The following CEP350 variants were observed in gnomAD, a reference collection of about 807,000 sequenced individuals.
CEP350 encodes centrosome-associated protein 350.
In CEP350, 126 loss-of-function variants were observed where a neutral mutation model predicts 331.8. The ratio of observed to expected loss-of-function variants is 0.38; its 90% CI spans 0.33 to 0.44. The LOEUF is 0.44. Among genes scored for constraint, CEP350 ranks in the 20% least tolerant of loss-of-function variants. CEP350 has a pLI of 1.00. For synonymous variants in CEP350, 1,200 were observed against 1,259.5 expected (o/e 0.95, Z 1.00); for missense variants, 3,406 against 3,634.6 (o/e 0.94, Z 1.62).
intron 1 of CEP350, among the ~76,000 whole-genome samples, chr1:179,983,305 G>A (rs1290351101): frequency 2.0e-5 from 3 of 151,966 alleles, no homozygotes; most frequent in African/African-American, 7.3e-5. Context: ...TGCGATCTTG[G>A]CTCACTGTAA....
chr1:179,995,475 C>T (rs1003690227), intron 5 of CEP350, among the ~76,000 whole-genome samples: 11 of 152,124 alleles, frequency 7.2e-5, no homozygotes, highest in African/African-American at 2.7e-4. Flanking sequence ...CATCATGGCA[C>T]ACACCTGTAA....
At chr1:180,086,923 G>A (rs998891004) in intron 31 of CEP350, among the ~76,000 whole-genome samples, 3 of 152,130 alleles carry the variant, frequency 2.0e-5, no homozygotes, top group African/African-American at 7.2e-5. Context: ...TTGCGTACCA[G>A]ACATACAGTG....
chr1:180,016,846 A>G (rs891869012), intron 11 of CEP350, among the ~76,000 whole-genome samples: 5 of 151,864 alleles, frequency 3.3e-5, no homozygotes, highest in African/African-American at 1.2e-4. Flanking sequence ...TATTTTTAGT[A>G]GAGACTTTGT....
rs6670141 is a variant in CEP350, at chr1:180,003,417, G to A, written c.1132+130G>A. On this transcript the variant is annotated intron_variant, in intron 7 of 37. Transcript: ENST00000367607. ...TCTAACTGCATGGCATGCTGAAGTT[G>A]TGGTGGTTTGAGGCATAAGGCTCTC... 1,514 of 660,022 alleles carry A rather than the reference G, an allele frequency of 2.3e-3. 21 individuals are homozygous for A. In the African/African-American group the frequency reaches 0.025, roughly 11 times the overall value. 40.9% of individuals were successfully genotyped at this position (660,022 alleles called of 1,614,324 possible). A position where few individuals can be genotyped will look rare whatever the true frequency, so the allele number is the denominator to read the frequency against.
rs58841312 is a variant in CEP350 at position 179,987,220 on chromosome 1, AAT to A, written c.74-17_74-16del. 28,369 of 1,389,398 alleles carry A rather than the reference AAT, an allele frequency of 0.02. 542 individuals are homozygous for A. Among genetic ancestry groups the A allele is most frequent in the South Asian group, 0.06 (4,758 of 79,238 alleles). The allele number at this position is 1,389,398 out of a possible 1,614,324, so 86.1% of individuals were successfully genotyped here. A position where few individuals can be genotyped will look rare whatever the true frequency, so the allele number is the denominator to read the frequency against. ...GAGATTCTGGTTGATTGATAAAGTA[AAT>A]ATCATTTTTTTTCCCAGCAGATATA... On this transcript the variant is annotated intron_variant, in intron 2 of 37. Coordinates refer to ENST00000367607, the MANE Select transcript of CEP350 (RefSeq NM_014810.5).
chr1:180,102,223 C>T (rs1433464109), intron 37 of CEP350, among the ~76,000 whole-genome samples: 1 of 151,870 alleles, frequency 6.6e-6, no homozygotes, highest in East Asian at 1.9e-4. Context: ...ACAACCTCCG[C>T]CTCCCGGGTT....
intron 25 of CEP350, 38 bp from the exon 26 acceptor site, chr1:180,062,182 C>T (rs1479204113): frequency 2.7e-6 from 4 of 1,496,240 alleles, no homozygotes; most frequent in Non-Finnish European, 3.6e-6. Context: ...CTTGTCTTCT[C>T]CCAATCTTAA....
At chr1:179,992,874 A>G (rs943563134) in intron 5 of CEP350, among the ~76,000 whole-genome samples, 1 of 152,206 alleles carries the variant, frequency 6.6e-6, no homozygotes, top group African/African-American at 2.4e-5. Flanking sequence ...ATAATAAGTA[A>G]TAAACACTGG....
Position 180,111,089 on chromosome 1 carries a change from G to C in CEP350, c.9282G>C (p.Glu3094Asp), listed in dbSNP as rs201090590. ...VKMQLADGIF[E>D]TLIKDTIDVL... ...TGCAGCTAGCCGACGGGATCTTTGA[G>C]ACCCTGATCAAAGATACTATTGATG... The change falls in exon 38 of 38, where the codon GAG (glutamate) becomes GAC (aspartate). Residue 3094 changes from glutamate (E) to aspartate (D), a missense_variant. Glu to Asp is a conservative substitution (Grantham distance 45). This residue lies in a region of CEP350 where 29 missense variants were observed against 52.8 expected (regional missense o/e 0.55). Coordinates refer to ENST00000367607, the MANE Select transcript of CEP350 (RefSeq NM_014810.5). The C allele has an allele frequency of 3.5e-5, 57 of 1,613,964 alleles. No homozygotes were observed. The highest frequency in any genetic ancestry group is 4.8e-5 in the Non-Finnish European group (57 of 1,179,862).
intron 14 of CEP350, among the ~76,000 whole-genome samples, chr1:180,025,605 T>TCTGGAAG (rs1251770471): frequency 2.0e-5 from 3 of 152,180 alleles, no homozygotes; most frequent in Non-Finnish European, 4.4e-5. Flanking sequence ...AAATGTTTTT[T>TCTGGAAG]CTGGAAGCTG....
At chr1:180,080,299 A>G (rs1329108785) in intron 29 of CEP350, among the ~76,000 whole-genome samples, 1 of 151,348 alleles carries the variant, frequency 6.6e-6, no homozygotes, top group East Asian at 1.9e-4. Flanking sequence ...TATGCCTTCA[A>G]AAAAAAATGA....
At position 180,090,849 on chromosome 1, in the gene CEP350, T is replaced by C. The variant is rs1361807285; in HGVS notation, c.6508+53T>C. 4.3e-6 allele frequency: 6 copies of C among 1,396,566 alleles called. No individual in the cohort carries two copies. The African/African-American group carries it at 4.4e-5, about 10-fold the overall frequency. 86.5% of individuals were successfully genotyped at this position (1,396,566 alleles called of 1,614,324 possible). On this transcript the variant is annotated intron_variant, in intron 33 of 37. Coordinates refer to ENST00000367607, the MANE Select transcript of CEP350 (RefSeq NM_014810.5). ...TGTAGCTACATAGTCTAAGGATTTA[T>C]GCAAAGGCCTACAAAATTCTACCTC...
In CEP350 at chr1:180,111,174, A is replaced by T; in HGVS notation, c.*13A>T. 1 of 1,613,168 alleles carries T rather than the reference A, an allele frequency of 6.2e-7. No homozygotes were observed. The highest frequency in any genetic ancestry group is 8.5e-7 in the Non-Finnish European group (1 of 1,179,248). On this transcript the variant is annotated 3_prime_UTR_variant, in exon 38 of 38. Coordinates refer to ENST00000367607, the MANE Select transcript of CEP350 (RefSeq NM_014810.5). ...GCTACTTGTGTGACATCTTGCAAATAAATCGAACGCTGAGTGCTAATGTGA... is the reference window on the plus strand; with the variant it reads ...GCTACTTGTGTGACATCTTGCAAATTAATCGAACGCTGAGTGCTAATGTGA...
rs951603585 is a variant in CEP350 at position 180,008,194 on chromosome 1, G to A, written c.1246+1627G>A. ...CGTTCCAACCAGTATTAGTCAGGTG[G>A]AAGTCTGAATAGATCAAGAATGGAA... On this transcript the variant is annotated intron_variant, in intron 8 of 37. Transcript: ENST00000367607. Among the ~76,000 whole-genome samples the A allele has an allele frequency of 3.0e-4, 46 of 152,250 alleles. 1 individual carries two copies. Among genetic ancestry groups the A allele is most frequent in the African/African-American group, 1.1e-3 (44 of 41,540 alleles).
At position 180,054,396 on chromosome 1, in the gene CEP350, TG is replaced by T. The variant is rs1224472833; in HGVS notation, c.5175-18del. On this transcript the variant is annotated intron_variant, in intron 24 of 37. Coordinates refer to ENST00000367607, the MANE Select transcript of CEP350 (RefSeq NM_014810.5). ...AAATTTAATCAAATCTTTGTCTCAATGAAAAATATTATTTGCAGACATCTAC... is the reference window on the plus strand; with the variant it reads ...AAATTTAATCAAATCTTTGTCTCAATAAAAATATTATTTGCAGACATCTAC... 3.2e-6 allele frequency: 5 copies of T among 1,542,196 alleles called. No individual in the cohort carries two copies. The highest frequency in any genetic ancestry group is 3.5e-6 in the Non-Finnish European group (4 of 1,132,700).
intron 30 of CEP350, among the ~76,000 whole-genome samples, chr1:180,083,469 A>G (rs1247516772): frequency 6.6e-6 from 1 of 152,196 alleles, no homozygotes; most frequent in Non-Finnish European, 1.5e-5. Flanking sequence ...TTTCAAAGAG[A>G]GATTACAGCA....
At chr1:179,978,084 CAAT>C (rs1652008264) in intron 1 of CEP350, among the ~76,000 whole-genome samples, 1 of 151,734 alleles carries the variant, frequency 6.6e-6, no homozygotes, top group Non-Finnish European at 1.5e-5. Flanking sequence ...TTTTCAGCTC[CAAT>C]ATAGTTTTAA....
chr1:180,041,747 C>G lies in CEP350; in HGVS notation c.4307C>G (p.Ala1436Gly). The G allele has an allele frequency of 1.9e-6, 3 of 1,613,214 alleles. No individual in the cohort carries two copies. The highest frequency in any genetic ancestry group is 2.5e-6 in the Non-Finnish European group (3 of 1,179,536). ...CAGGAAGCAACGTGTAAAATAGCAG[C>G]TCAGCAGTCAGAAACTGCTCGCCTC... is the stretch of plus-strand genomic sequence containing the variant. ...VLQEATCKIAAQQSETARLTT... is the reference protein window; with the variant it reads ...VLQEATCKIAGQQSETARLTT... The change falls in exon 19 of 38, where the codon GCT becomes GGT. Residue 1436 changes from alanine (A) to glycine (G), a missense_variant. Ala to Gly is a moderately conservative substitution (Grantham distance 60). Coordinates refer to ENST00000367607, the MANE Select transcript of CEP350 (RefSeq NM_014810.5).
intron 1 of CEP350, chr1:179,969,155 T>C: frequency 4.7e-6 from 3 of 634,262 alleles, no homozygotes; most frequent in Non-Finnish European, 8.9e-6. Flanking sequence ...GGGTTTGATA[T>C]GGTGGGTGCT....
Sources: allele counts gnomAD v4.1 joint callset (sites outside exome capture counted in the v4.1 genomes callset), GRCh38; gene constraint gnomAD v4.1.1; regional missense constraint gnomAD v4.1.1; transcripts MANE v1.5; gene names NCBI Gene and HGNC (gene_info 2026-07-23, HGNC 2026-07-21).